Variants in TAOK1 observed in about 807,000 individuals in gnomAD.
TAOK1 encodes the protein serine/threonine-protein kinase TAO1.
Under a neutral mutation model 138.3 loss-of-function variants are expected in TAOK1, and 21 were observed. The observed-to-expected ratio is 0.15, with a 90% CI of 0.11 to 0.22. The LOEUF (loss-of-function observed/expected upper bound fraction) is 0.22, where lower values mean the gene tolerates loss of function less well. Ranked by LOEUF, TAOK1 falls within the 10% of genes least tolerant of loss-of-function variation. The pLI, the probability that TAOK1 is intolerant of heterozygous loss-of-function variation, is 1.00. For missense variants in TAOK1, 651 were observed against 1,227.7 expected (o/e 0.53, Z 7.02); for synonymous variants, 361 against 398.4 (o/e 0.91, Z 1.12).
At chr17:29,542,343 G>T (rs1358452952) in intron 19 of TAOK1, among the ~76,000 whole-genome samples, 1 of 152,004 alleles carries the variant, frequency 6.6e-6, no homozygotes, top group Non-Finnish European at 1.5e-5. Flanking sequence ...TACGCAATAT[G>T]TGCATGTAAA....
At chr17:29,459,109 A>G (rs2030470306) in intron 2 of TAOK1, among the ~76,000 whole-genome samples, 1 of 152,012 alleles carries the variant, frequency 6.6e-6, no homozygotes. Flanking sequence ...TCTGCTTTTC[A>G]GCTTCCTTTT....
chr17:29,526,827 A>T (rs1269330368), intron 17 of TAOK1, among the ~76,000 whole-genome samples: 2 of 147,448 alleles, frequency 1.4e-5, no homozygotes, highest in Non-Finnish European at 3.0e-5. Flanking sequence ...CTTAAAAAAA[A>T]AAAAAAAAAA....
chr17:29,535,973 A>T (rs928653793), intron 19 of TAOK1, among the ~76,000 whole-genome samples: 1 of 152,194 alleles, frequency 6.6e-6, no homozygotes, highest in Non-Finnish European at 1.5e-5. Flanking sequence ...TCTAAATATT[A>T]TCTCAATTTT....
rs1052839275 is a variant in TAOK1 at position 29,470,415 on chromosome 17, G to A, written c.204+3199G>A. Among the ~76,000 whole-genome samples the A allele has an allele frequency of 2.6e-5, 4 of 151,900 alleles. No homozygotes were observed. In the South Asian group the frequency reaches 8.3e-4, roughly 31 times the overall value. On this transcript the variant is annotated intron_variant, in intron 3 of 19. Transcript: ENST00000261716. ...CTAGCATTTTAGAGTCTGCATTTAG[G>A]AACTTAAATCTCAGAGGAATTACTT...
Position 29,545,221 on chromosome 17 carries a change from T to C in TAOK1, c.*2199T>C, listed in dbSNP as rs1029405210. 6.6e-6 allele frequency: 1 copy of C among 152,144 alleles called. No homozygotes were observed. Among genetic ancestry groups the C allele is most frequent in the African/African-American group, 2.4e-5 (1 of 41,416 alleles). 9.4% of individuals were successfully genotyped at this position (152,144 alleles called of 1,614,324 possible). On this transcript the variant is annotated 3_prime_UTR_variant, in exon 20 of 20. Coordinates refer to ENST00000261716, the MANE Select transcript of TAOK1 (RefSeq NM_020791.4). ...GGGCTTTTAGTCGTCTCAGTATCTT[T>C]TTTGCATTCAGGTATTATAGCGTTT...
At chr17:29,422,481 G>A (rs1020147874) in intron 1 of TAOK1, among the ~76,000 whole-genome samples, 5 of 151,980 alleles carry the variant, frequency 3.3e-5, no homozygotes, top group Admixed American at 3.3e-4. Flanking sequence ...GCCTCCCAAA[G>A]TGCTGGCATT....
intron 1 of TAOK1, among the ~76,000 whole-genome samples, chr17:29,420,589 T>TTG (rs1555558257): frequency 1.3e-5 from 2 of 150,282 alleles, no homozygotes; most frequent in East Asian, 3.9e-4. Context: ...TAATCTGTTT[T>TTG]TTTTTTTTTT....
intron 8 of TAOK1, among the ~76,000 whole-genome samples, chr17:29,489,399 G>A (rs757002498): frequency 5.9e-5 from 9 of 152,132 alleles, no homozygotes; most frequent in Non-Finnish European, 1.2e-4. Context: ...TCGGGAGGCC[G>A]AGGTGGGAGG....
intron 2 of TAOK1, among the ~76,000 whole-genome samples, chr17:29,466,541 A>AT (rs2030673683): frequency 6.6e-6 from 1 of 152,008 alleles, no homozygotes; most frequent in Non-Finnish European, 1.5e-5. Flanking sequence ...CACAAATGCA[A>AT]TTGGTACCTA....
chr17:29,450,961 G>C (rs2153024201), intron 1 of TAOK1, among the ~76,000 whole-genome samples: 1 of 152,284 alleles, frequency 6.6e-6, no homozygotes, highest in South Asian at 2.1e-4. Flanking sequence ...GGTGAATCAA[G>C]TTTATGGAGA....
At chr17:29,469,539 A>G (rs910746729) in intron 3 of TAOK1, among the ~76,000 whole-genome samples, 2 of 152,182 alleles carry the variant, frequency 1.3e-5, no homozygotes, top group African/African-American at 4.8e-5. Context: ...GGTACTTAAT[A>G]TAAGTGGAAT....
chr17:29,426,508 G>A (rs1404908544), intron 1 of TAOK1, among the ~76,000 whole-genome samples: 1 of 152,130 alleles, frequency 6.6e-6, no homozygotes, highest in Admixed American at 6.6e-5. Context: ...ATTCTGAGAT[G>A]CAGTAAAAGG....
intron 1 of TAOK1, among the ~76,000 whole-genome samples, chr17:29,450,855 G>C (rs2030214103): frequency 6.6e-6 from 1 of 152,116 alleles, no homozygotes; most frequent in African/African-American, 2.4e-5. Flanking sequence ...TGATATAAAG[G>C]AATTGATAGG....
intron 11 of TAOK1, among the ~76,000 whole-genome samples, chr17:29,497,151 C>G (rs1285330313): frequency 1.3e-5 from 2 of 151,574 alleles, no homozygotes; most frequent in African/African-American, 4.8e-5. Context: ...CTTCTTTGCC[C>G]CGTCAGAATT....
In TAOK1 at chr17:29,547,266, A is replaced by G. The variant is rs1172477124; in HGVS notation, c.*4244A>G. On this transcript the variant is annotated 3_prime_UTR_variant, in exon 20 of 20. Transcript: ENST00000261716. ...TACTTTGCTGAGGATCAAAACAGCC[A>G]AGAAAGGAATTACTGCTAAAGCATC... 1.3e-5 allele frequency: 2 copies of G among 152,182 alleles called. No homozygotes were observed. The highest frequency in any genetic ancestry group is 2.9e-5 in the Non-Finnish European group (2 of 68,002). The allele number at this position is 152,182 out of a possible 1,614,324, so 9.4% of individuals were successfully genotyped here. A position where few individuals can be genotyped will look rare whatever the true frequency, so the allele number is the denominator to read the frequency against.
intron 1 of TAOK1, among the ~76,000 whole-genome samples, chr17:29,433,419 T>TA (rs1905913530): frequency 7.2e-6 from 1 of 138,098 alleles, no homozygotes; most frequent in African/African-American, 2.7e-5. Flanking sequence ...AGCTAGACTC[T>TA]GTCTCAAAAA....
intron 1 of TAOK1, among the ~76,000 whole-genome samples, chr17:29,447,206 A>G (rs1421787002): frequency 6.6e-6 from 1 of 151,918 alleles, no homozygotes; most frequent in East Asian, 1.9e-4. Flanking sequence ...ACCCACCACC[A>G]TGTCTGGCTT....
At chr17:29,536,433 AC>A in intron 19 of TAOK1, among the ~76,000 whole-genome samples, 1 of 152,024 alleles carries the variant, frequency 6.6e-6, no homozygotes, top group South Asian at 2.1e-4. Context: ...CCCCGTCTCT[AC>A]TAAAAATACA....
In TAOK1 at chr17:29,522,368, A is replaced by C; in HGVS notation, c.1997A>C (p.His666Pro). 2 of 1,614,188 alleles carry C rather than the reference A, an allele frequency of 1.2e-6. No individual in the cohort carries two copies. The highest frequency in any genetic ancestry group is 2.7e-5 in the African/African-American group (2 of 75,052). Residue 666 changes from histidine (H) to proline (P), a missense_variant, in exon 17 of 20, where the codon CAC becomes CCC. Physicochemically the swap from His to Pro is moderately conservative, Grantham distance 77. Transcript: ENST00000261716. ...HESMQELEFR[H>P]LNTIQKMRCE... ...TCTATGCAAGAACTGGAGTTCCGCC[A>C]CCTCAACACAATTCAGAAGATGCGC... is the stretch of plus-strand genomic sequence containing the variant.
Sources: allele counts gnomAD v4.1 joint callset (sites outside exome capture counted in the v4.1 genomes callset), GRCh38; gene constraint gnomAD v4.1.1; transcripts MANE v1.5; gene names NCBI Gene and HGNC (gene_info 2026-07-23, HGNC 2026-07-21).